REL: variants seen among roughly 807,000 people sequenced by gnomAD.
REL encodes proto-oncogene c-Rel.
REL carries 15 observed loss-of-function variants against 45.9 expected under a neutral mutation model. That is an observed-to-expected ratio of 0.33 (90% CI 0.22 to 0.50). The LOEUF is 0.50. Ranked by LOEUF, REL falls within the 20% of genes least tolerant of loss-of-function variation. The probability of loss-of-function intolerance (pLI) is 0.98; values close to 1 mark genes in which losing one functional copy is unlikely to be tolerated. For synonymous variants in REL, 239 were observed against 242.1 expected (o/e 0.99, Z 0.12); for missense variants, 601 against 715.2 (o/e 0.84, Z 1.82).
chr2:60,906,445 T>G (rs1158333592), intron 4 of REL, among the ~76,000 whole-genome samples: 1 of 152,210 alleles, frequency 6.6e-6, no homozygotes, highest in African/African-American at 2.4e-5. Flanking sequence ...CTGATGCAAG[T>G]GATCCACAGA....
chr2:60,912,054 C>A (rs1673832690), intron 4 of REL, among the ~76,000 whole-genome samples: 2 of 145,784 alleles, frequency 1.4e-5, no homozygotes, highest in Non-Finnish European at 3.0e-5. Flanking sequence ...AGATTCAATG[C>A]AACTCCATAT....
chr2:60,929,551 C>G lies in REL; in HGVS notation c.*7016C>G, dbSNP rs1485646571. On this transcript the variant is annotated 3_prime_UTR_variant, in exon 10 of 10. Transcript: ENST00000394479. ...ATGGATGAAATTGGAAAACATCATT[C>G]TCAGTAAACTATCGCAAGAACAAGA... 6.6e-6 allele frequency: 1 copy of G among 151,468 alleles called. No homozygotes were observed. Among genetic ancestry groups the G allele is most frequent in the African/African-American group, 2.4e-5 (1 of 41,170 alleles). 9.4% of individuals were successfully genotyped at this position (151,468 alleles called of 1,614,324 possible).
At chr2:60,919,177 C>T (rs184425142) in intron 7 of REL, among the ~76,000 whole-genome samples, 2 of 152,276 alleles carry the variant, frequency 1.3e-5, no homozygotes, top group Non-Finnish European at 2.9e-5. Flanking sequence ...AACCTTATTG[C>T]ATTAGTTGAC....
At chr2:60,918,669 C>T in intron 7 of REL, 63 bp downstream of exon 7, 2 of 1,091,374 alleles carry the variant, frequency 1.8e-6, no homozygotes, top group Non-Finnish European at 1.4e-6. Context: ...ATAACATCTT[C>T]TTGTAATATT....
chr2:60,912,543 G>A (rs1391513979), intron 4 of REL, among the ~76,000 whole-genome samples: 3 of 152,052 alleles, frequency 2.0e-5, no homozygotes, highest in Non-Finnish European at 4.4e-5. Flanking sequence ...TATATAAGCA[G>A]ATTTGAAATT....
At chr2:60,887,554 G>A (rs1183546421) in intron 1 of REL, among the ~76,000 whole-genome samples, 2 of 151,440 alleles carry the variant, frequency 1.3e-5, no homozygotes, top group African/African-American at 2.4e-5. Flanking sequence ...GAAATAAGAC[G>A]GTAAGTTTTC....
intron 8 of REL, 97 bp from the exon 9 acceptor site, chr2:60,920,477 A>G: frequency 1.1e-6 from 1 of 897,940 alleles, no homozygotes; most frequent in Non-Finnish European, 1.8e-6. Flanking sequence ...CTGGGATTAC[A>G]GGTGGGAGCC....
chr2:60,896,176 T>C (rs1288066417), intron 3 of REL, among the ~76,000 whole-genome samples: 1 of 152,032 alleles, frequency 6.6e-6, no homozygotes, highest in African/African-American at 2.4e-5. Context: ...GCTAATTTTT[T>C]GGTATTTAAA....
intron 2 of REL, among the ~76,000 whole-genome samples, chr2:60,893,262 G>C (rs558908874): frequency 6.6e-6 from 1 of 152,226 alleles, no homozygotes; most frequent in East Asian, 1.9e-4. Flanking sequence ...AATCTATTCT[G>C]TTGATGAACT....
intron 1 of REL, among the ~76,000 whole-genome samples, chr2:60,883,573 A>G (rs1673000939): frequency 6.6e-6 from 1 of 152,234 alleles, no homozygotes; most frequent in Non-Finnish European, 1.5e-5. Flanking sequence ...CTAGCATTAT[A>G]AGTAAGTTCA....
intron 2 of REL, among the ~76,000 whole-genome samples, chr2:60,892,856 G>T (rs1673254000): frequency 6.6e-6 from 1 of 151,946 alleles, no homozygotes; most frequent in Non-Finnish European, 1.5e-5. Flanking sequence ...CCAGGTTCAA[G>T]CAGTTCTCCC....
At chr2:60,900,755 T>C (rs1180460619) in intron 3 of REL, 7 of 405,522 alleles carry the variant, frequency 1.7e-5, no homozygotes, top group Non-Finnish European at 2.6e-5. Flanking sequence ...ACTCCTGACC[T>C]CAGGTGATCC....
rs1674210565 is a variant in REL at position 60,924,042 on chromosome 2, A to T, written c.*1507A>T. On this transcript the variant is annotated 3_prime_UTR_variant, in exon 10 of 10. Coordinates refer to ENST00000394479, the MANE Select transcript of REL (RefSeq NM_001291746.2). ...CTCAGTGCTCCTCAAAGCATCAAGTATGCACTTGCCTTGGACAGTCTGTAC... is the reference window on the plus strand; with the variant it reads ...CTCAGTGCTCCTCAAAGCATCAAGTTTGCACTTGCCTTGGACAGTCTGTAC... 1 of 232,434 alleles carries T rather than the reference A, an allele frequency of 4.3e-6. No homozygotes were observed. The highest frequency in any genetic ancestry group is 2.2e-5 in the African/African-American group (1 of 45,284). The allele number at this position is 232,434 out of a possible 1,614,324, so 14.4% of individuals were successfully genotyped here. A position where few individuals can be genotyped will look rare whatever the true frequency, so the allele number is the denominator to read the frequency against.
Position 60,927,690 on chromosome 2 carries a change from T to C in REL, c.*5155T>C. The C allele has an allele frequency of 4.4e-6, 1 of 229,646 alleles. No individual in the cohort carries two copies. The allele number at this position is 229,646 out of a possible 1,614,324, so 14.2% of individuals were successfully genotyped here. A position where few individuals can be genotyped will look rare whatever the true frequency, so the allele number is the denominator to read the frequency against. On this transcript the variant is annotated 3_prime_UTR_variant, in exon 10 of 10. Coordinates refer to ENST00000394479, the MANE Select transcript of REL (RefSeq NM_001291746.2). ...ACAGAGGTGAATAAGACAAAAACTC[T>C]TGCTCTCAAAGATGTCAGTCTTTTT... is the stretch of plus-strand genomic sequence containing the variant.
chr2:60,922,570 C>G lies in REL; in HGVS notation c.*35C>G, dbSNP rs780998051. ...TTTAAATCCTTTTAAATCTTGATAC[C>G]ACCTATATAGATGCAGCATTTTGTA... On this transcript the variant is annotated 3_prime_UTR_variant, in exon 10 of 10. Coordinates refer to ENST00000394479, the MANE Select transcript of REL (RefSeq NM_001291746.2). 2.6e-6 allele frequency: 4 copies of G among 1,536,770 alleles called. 1 individual carries two copies. The South Asian group carries it at 5.0e-5, about 19-fold the overall frequency.
At chr2:60,916,568 G>T (rs1224570833) in intron 4 of REL, among the ~76,000 whole-genome samples, 1 of 152,148 alleles carries the variant, frequency 6.6e-6, no homozygotes, top group Non-Finnish European at 1.5e-5. Context: ...TCTTTGTTGT[G>T]TACAAACCTG....
At chr2:60,904,935 T>A (rs372993820) in intron 4 of REL, among the ~76,000 whole-genome samples, 4 of 152,132 alleles carry the variant, frequency 2.6e-5, no homozygotes, top group South Asian at 2.1e-4. Context: ...ATATAGCTGA[T>A]GAGTGGTAGA....
At position 60,922,291 on chromosome 2, in the gene REL, T is replaced by C; in HGVS notation, c.1520T>C (p.Met507Thr). Residue 507 changes from methionine (M) to threonine (T), a missense_variant, in exon 10 of 10, where the codon ATG becomes ACG. Physicochemically the swap from Met to Thr is moderately conservative, Grantham distance 81. Coordinates refer to ENST00000394479, the MANE Select transcript of REL (RefSeq NM_001291746.2). ...DPRDLRQLHQMSSSSMSAGAN... is the reference protein window; with the variant it reads ...DPRDLRQLHQTSSSSMSAGAN... ...AGAGACTTGAGACAGCTCCATCAGA[T>C]GTCCTCTTCCAGTATGTCAGCAGGC... The C allele has an allele frequency of 6.2e-7, 1 of 1,614,188 alleles. No individual in the cohort carries two copies. Among genetic ancestry groups the C allele is most frequent in the Non-Finnish European group, 8.5e-7 (1 of 1,180,020 alleles).
At position 60,925,035 on chromosome 2, in the gene REL, A is replaced by G. The variant is rs1037619912; in HGVS notation, c.*2500A>G. 1.5e-5 allele frequency: 3 copies of G among 200,162 alleles called. No individual in the cohort carries two copies. The highest frequency in any genetic ancestry group is 6.9e-5 in the African/African-American group (3 of 43,584). The allele number at this position is 200,162 out of a possible 1,614,324, so 12.4% of individuals were successfully genotyped here. On this transcript the variant is annotated 3_prime_UTR_variant, in exon 10 of 10. Transcript: ENST00000394479. ...ATATAATTATTTATTTTGCCCTTTT[A>G]TTTCCCAAAGACATTGTAAGGGTTA... is the stretch of plus-strand genomic sequence containing the variant.
Sources: allele counts gnomAD v4.1 joint callset (sites outside exome capture counted in the v4.1 genomes callset), GRCh38; gene constraint gnomAD v4.1.1; transcripts MANE v1.5; gene names NCBI Gene and HGNC (gene_info 2026-07-23, HGNC 2026-07-21).